SPATA6: variants seen among roughly 807,000 people sequenced by gnomAD.
SPATA6 encodes spermatogenesis associated 6, also known as spermatogenesis-associated protein 6.
SPATA6 carries 56 observed loss-of-function variants against 65.3 expected under a neutral mutation model. That is an observed-to-expected ratio of 0.86 (90% CI 0.69 to 1.07). The LOEUF (loss-of-function observed/expected upper bound fraction) is 1.07, where lower values mean the gene tolerates loss of function less well. Among genes scored for constraint, SPATA6 ranks in the 50% least tolerant of loss-of-function variants. The pLI is 0.00. For synonymous variants in SPATA6, 199 were observed against 213.2 expected, an observed-to-expected ratio of 0.93 and a Z score of 0.58; for missense variants, 590 against 594.8, an observed-to-expected ratio of 0.99 and a Z score of 0.08.
Position 48,295,845 on chromosome 1 carries a change from TC to T in SPATA6, c.*2867del, listed in dbSNP as rs751771533. The T allele has an allele frequency of 3.3e-5, 5 of 152,122 alleles. No individual in the cohort carries two copies. The highest frequency in any genetic ancestry group is 7.2e-5 in the African/African-American group (3 of 41,436). The allele number at this position is 152,122 out of a possible 1,614,324, so 9.4% of individuals were successfully genotyped here. ...AAAACAACTCTGCCTGCCTAGGACTTCCTGATCGTACATATTAATTGTACAA... is the reference window on the plus strand; with the variant it reads ...AAAACAACTCTGCCTGCCTAGGACTTCTGATCGTACATATTAATTGTACAA... On this transcript the variant is annotated 3_prime_UTR_variant, in exon 13 of 13. Transcript: ENST00000371847.
chr1:48,367,161 C>G (rs376207116), intron 9 of SPATA6, among the ~76,000 whole-genome samples: 1 of 152,030 alleles, frequency 6.6e-6, no homozygotes, highest in African/African-American at 2.4e-5. Context: ...GTCTGAGAGA[C>G]AGTTTGTTAT....
At chr1:48,312,693 T>C (rs746626376) in intron 11 of SPATA6, among the ~76,000 whole-genome samples, 9 of 152,094 alleles carry the variant, frequency 5.9e-5, no homozygotes, top group Non-Finnish European at 1.0e-4. Flanking sequence ...CAAAGTGGGA[T>C]GGAGAATGAA....
intron 1 of SPATA6, among the ~76,000 whole-genome samples, chr1:48,460,009 T>C (rs1657308483): frequency 6.6e-6 from 1 of 152,126 alleles, no homozygotes. Context: ...GTTGCTCTGT[T>C]GCCCAGGCTA....
chr1:48,443,439 G>T (rs1194235402), intron 3 of SPATA6, among the ~76,000 whole-genome samples: 1 of 152,142 alleles, frequency 6.6e-6, no homozygotes, highest in Non-Finnish European at 1.5e-5. Flanking sequence ...AGAAAAGCAG[G>T]TTTATCTACT....
At chr1:48,275,908 G>A in the SPATA6 span, among the ~76,000 whole-genome samples, 1 of 152,090 alleles carries the variant, frequency 6.6e-6, no homozygotes, top group Non-Finnish European at 1.5e-5. Flanking sequence ...AGAGGTAATG[G>A]TACCAGCTCC....
chr1:48,410,962 T>C (rs191092577), intron 5 of SPATA6, among the ~76,000 whole-genome samples: 1 of 152,348 alleles, frequency 6.6e-6, no homozygotes, highest in East Asian at 1.9e-4. Flanking sequence ...ATCAGATTTA[T>C]TAAATTTTCC....
intron 11 of SPATA6, among the ~76,000 whole-genome samples, chr1:48,315,495 C>T (rs1416424451): frequency 1.3e-5 from 2 of 152,178 alleles, no homozygotes; most frequent in African/African-American, 4.8e-5. Context: ...CAACAACCTT[C>T]ATGCTAAAAA....
intron 9 of SPATA6, among the ~76,000 whole-genome samples, chr1:48,379,819 A>C (rs551970731): frequency 2.0e-5 from 3 of 152,234 alleles, no homozygotes; most frequent in Admixed American, 1.3e-4. Flanking sequence ...TACGCTTTAC[A>C]TGCATGATAG....
intron 1 of SPATA6, among the ~76,000 whole-genome samples, chr1:48,462,863 G>A (rs538097544): frequency 3.9e-5 from 6 of 152,282 alleles, no homozygotes; most frequent in African/African-American, 1.2e-4. Flanking sequence ...GTTTCCATAA[G>A]AGATTAGTAT....
intron 11 of SPATA6, among the ~76,000 whole-genome samples, chr1:48,313,556 G>A (rs557718079): frequency 3.7e-4 from 56 of 152,212 alleles, no homozygotes; most frequent in Non-Finnish European, 6.0e-4. Flanking sequence ...ACTAAACATC[G>A]AAAGGAACAA....
At chr1:48,391,641 C>T (rs3767616) in intron 8 of SPATA6, among the ~76,000 whole-genome samples, 26,831 of 151,942 alleles carry the variant, frequency 0.18, 2,587 homozygotes, top group Admixed American at 0.26. Context: ...TAGTCACAAA[C>T]TATATTTCAA....
At chr1:48,412,000 G>A (rs2147983771) in intron 4 of SPATA6, among the ~76,000 whole-genome samples, 1 of 152,056 alleles carries the variant, frequency 6.6e-6, no homozygotes, top group South Asian at 2.1e-4. Context: ...CTGAGTAGCT[G>A]GGACTACAGG....
the SPATA6 span, among the ~76,000 whole-genome samples, chr1:48,278,431 T>G: frequency 6.6e-6 from 1 of 152,242 alleles, no homozygotes; most frequent in African/African-American, 2.4e-5. Flanking sequence ...TTGAAAACTT[T>G]GAAAAAAATT....
chr1:48,315,492 C>CT (rs1557548732), intron 11 of SPATA6, among the ~76,000 whole-genome samples: 1 of 152,114 alleles, frequency 6.6e-6, no homozygotes, highest in Admixed American at 6.6e-5. Context: ...ATTCAACAAC[C>CT]TTCATGCTAA....
intron 11 of SPATA6, among the ~76,000 whole-genome samples, chr1:48,354,299 G>A (rs1276475749): frequency 6.6e-6 from 1 of 152,120 alleles, no homozygotes; most frequent in Non-Finnish European, 1.5e-5. Context: ...TAGTGGGAGT[G>A]TAACTGTTAA....
chr1:48,441,192 GC>G (rs1283964236), intron 3 of SPATA6, among the ~76,000 whole-genome samples: 2 of 152,202 alleles, frequency 1.3e-5, no homozygotes, highest in African/African-American at 4.8e-5. Flanking sequence ...GACTGAGGGT[GC>G]CCAGGGCAAG....
At chr1:48,262,038 T>C in the SPATA6 span, among the ~76,000 whole-genome samples, 1 of 152,036 alleles carries the variant, frequency 6.6e-6, no homozygotes, top group African/African-American at 2.4e-5. Context: ...GTTGCCTACA[T>C]AGATGCCAGA....
the SPATA6 span, among the ~76,000 whole-genome samples, chr1:48,284,011 T>A: frequency 1.3e-5 from 2 of 152,136 alleles, no homozygotes; most frequent in East Asian, 3.9e-4. Context: ...CTGGATAATA[T>A]CCTGAAGAGT....
At chr1:48,283,751 T>C in the SPATA6 span, among the ~76,000 whole-genome samples, 5 of 134,676 alleles carry the variant, frequency 3.7e-5, no homozygotes, top group Non-Finnish European at 4.8e-5. Flanking sequence ...ATGCTGAATA[T>C]TGGTCCCCAC....
Sources: gnomAD v4.1 joint callset for allele counts (sites outside exome capture counted in the v4.1 genomes callset) on GRCh38, gnomAD v4.1.1 for gene constraint, MANE v1.5 for transcripts, NCBI Gene and HGNC (gene_info 2026-07-23, HGNC 2026-07-21) for gene names.